Variants in TMEM131 observed in about 807,000 individuals in gnomAD.
The protein encoded by TMEM131 is 2610524E03Rik.
In TMEM131, 66 loss-of-function variants were observed where a neutral mutation model predicts 211.6. That is an observed-to-expected ratio of 0.31 (90% confidence interval 0.26 to 0.38). TMEM131 has a LOEUF of 0.38. TMEM131 is among the 10% of genes least tolerant of loss of function. The pLI is 1.00. For missense variants in TMEM131, 2,036 were observed against 2,299.3 expected (o/e 0.89, Z 2.34); for synonymous variants, 844 against 841.3 (o/e 1.00, Z -0.06).
At chr2:97,946,289 A>T (rs1307096070) in intron 1 of TMEM131, among the ~76,000 whole-genome samples, 1 of 152,050 alleles carries the variant, frequency 6.6e-6, no homozygotes, top group Non-Finnish European at 1.5e-5. Flanking sequence ...TAAAGTAGAA[A>T]GCAGAAAATA....
chr2:97,767,696 G>A (rs1173010413), intron 33 of TMEM131, among the ~76,000 whole-genome samples: 1 of 152,158 alleles, frequency 6.6e-6, no homozygotes, highest in Admixed American at 6.5e-5. Context: ...CTACACAGAT[G>A]GTGTAAAATG....
At chr2:97,824,159 C>T (rs1264424636) in intron 11 of TMEM131, among the ~76,000 whole-genome samples, 1 of 152,158 alleles carries the variant, frequency 6.6e-6, no homozygotes, top group Non-Finnish European at 1.5e-5. Context: ...AAAAATAAGC[C>T]ACCCCCTCAC....
chr2:97,888,153 AT>A, intron 3 of TMEM131, 33 bp from the exon 4 acceptor site: 1 of 1,555,190 alleles, frequency 6.4e-7, no homozygotes, highest in Non-Finnish European at 8.8e-7. Context: ...ATAAGAAGCA[AT>A]TCTTCAAAAT....
intron 5 of TMEM131, among the ~76,000 whole-genome samples, chr2:97,855,554 A>T (rs1673807098): frequency 6.6e-6 from 1 of 152,180 alleles, no homozygotes; most frequent in Non-Finnish European, 1.5e-5. Flanking sequence ...TACAAAAATT[A>T]GCTGGGTGTG....
intron 2 of TMEM131, 52 bp downstream of exon 2, chr2:97,927,374 C>A (rs563464460): frequency 2.2e-4 from 301 of 1,339,418 alleles, no homozygotes; most frequent in Non-Finnish European, 4.8e-5. Context: ...AAAATAATAA[C>A]CAGATATTAT....
chr2:97,846,989 G>C (rs1683470099), intron 5 of TMEM131, among the ~76,000 whole-genome samples: 1 of 146,900 alleles, frequency 6.8e-6, no homozygotes, highest in South Asian at 2.2e-4. Flanking sequence ...GACCATCCTG[G>C]CCAACATGGT....
chr2:97,881,237 C>G (rs571501768), intron 4 of TMEM131, among the ~76,000 whole-genome samples: 1 of 138,302 alleles, frequency 7.2e-6, no homozygotes, highest in African/African-American at 3.0e-5. Context: ...TTCTTTCTTG[C>G]GACTCTTTTT....
chr2:97,855,904 A>C (rs1573465845), intron 5 of TMEM131, among the ~76,000 whole-genome samples: 2 of 152,296 alleles, frequency 1.3e-5, no homozygotes, highest in East Asian at 3.9e-4. Context: ...GTCCTTCTAT[A>C]TCTAATTAAA....
chr2:97,994,490 C>T (rs556202883), intron 1 of TMEM131, among the ~76,000 whole-genome samples: 49 of 152,308 alleles, frequency 3.2e-4, no homozygotes, highest in African/African-American at 1.2e-3. Context: ...AAGCAAGTGA[C>T]TTTAGTCATA....
intron 2 of TMEM131, among the ~76,000 whole-genome samples, chr2:97,913,983 T>C (rs1039872888): frequency 6.6e-6 from 1 of 152,068 alleles, no homozygotes; most frequent in Admixed American, 6.6e-5. Context: ...CAGGACTGGG[T>C]TGGGGGAAGG....
intron 8 of TMEM131, among the ~76,000 whole-genome samples, chr2:97,835,412 C>A (rs1682893511): frequency 6.6e-6 from 1 of 152,144 alleles, no homozygotes; most frequent in South Asian, 2.1e-4. Context: ...CTTAACAATG[C>A]AAAGCTTCTC....
intron 11 of TMEM131, among the ~76,000 whole-genome samples, chr2:97,830,742 G>A (rs1682640195): frequency 1.3e-5 from 2 of 152,160 alleles, no homozygotes; most frequent in Non-Finnish European, 2.9e-5. Context: ...TTTTCTCAAA[G>A]TTGCATTATA....
At chr2:97,777,865 C>CA (rs1272114814) in intron 31 of TMEM131, among the ~76,000 whole-genome samples, 1 of 150,542 alleles carries the variant, frequency 6.6e-6, no homozygotes, top group African/African-American at 2.5e-5. Flanking sequence ...ACCAAACCAA[C>CA]AAAAAACAGG....
intron 4 of TMEM131, among the ~76,000 whole-genome samples, chr2:97,885,572 C>G (rs1675120565): frequency 6.6e-6 from 1 of 151,956 alleles, no homozygotes. Context: ...GGTCCCCCAC[C>G]CCCACTTTGA....
chr2:97,831,168 C>T (rs1682664964), intron 11 of TMEM131, among the ~76,000 whole-genome samples: 1 of 152,230 alleles, frequency 6.6e-6, no homozygotes, highest in Admixed American at 6.5e-5. Context: ...TTCTGCCCTT[C>T]CATGTCTGTA....
At chr2:97,855,776 C>G (rs1003750470) in intron 5 of TMEM131, among the ~76,000 whole-genome samples, 2 of 151,604 alleles carry the variant, frequency 1.3e-5, no homozygotes, top group East Asian at 3.9e-4. Flanking sequence ...GTATATTATT[C>G]CAGATCAATA....
Position 97,943,691 on chromosome 2 carries a change from T to C in TMEM131, c.188-16204A>G, listed in dbSNP as rs1316246463. ...TATTCAAGAATAGCCAAAACAGTTT[T>C]GAAAAAGAAAGACACAATGGAGGAC... On this transcript the variant is annotated intron_variant, in intron 1 of 40. Coordinates refer to ENST00000186436, the MANE Select transcript of TMEM131 (RefSeq NM_015348.2). Among the ~76,000 whole-genome samples the C allele has an allele frequency of 2.0e-5, 3 of 152,286 alleles. No individual in the cohort carries two copies. The East Asian group carries it at 5.8e-4, about 29-fold the overall frequency.
intron 4 of TMEM131, among the ~76,000 whole-genome samples, chr2:97,871,430 AG>A (rs1316675110): frequency 6.6e-6 from 1 of 152,252 alleles, no homozygotes; most frequent in African/African-American, 2.4e-5. Flanking sequence ...CCATGAGGTT[AG>A]GGTTATCAGA....
chr2:97,867,625 A>G (rs907348106), intron 4 of TMEM131, among the ~76,000 whole-genome samples: 2 of 152,204 alleles, frequency 1.3e-5, no homozygotes, highest in Non-Finnish European at 2.9e-5. Flanking sequence ...TGGGTTCCCC[A>G]GGTTTCAGGC....
Sources: allele counts gnomAD v4.1 joint callset (sites outside exome capture counted in the v4.1 genomes callset), GRCh38; gene constraint gnomAD v4.1.1; transcripts MANE v1.5; gene names NCBI Gene and HGNC (gene_info 2026-07-23, HGNC 2026-07-21).